The following EYS variants were observed in gnomAD, a reference collection of about 807,000 sequenced individuals.
The protein encoded by EYS is protein eyes shut homolog.
EYS carries 250 observed loss-of-function variants against 282.1 expected under a neutral mutation model. The ratio of observed to expected loss-of-function variants is 0.89; its 90% CI spans 0.80 to 0.98. The LOEUF (loss-of-function observed/expected upper bound fraction) is 0.98. Ranked by LOEUF, EYS falls within the 50% of genes least tolerant of loss-of-function variation. The pLI is 0.00. For synonymous variants in EYS, 1,355 were observed against 1,282.9 expected, an observed-to-expected ratio of 1.06 and a Z score of -1.20; for missense variants, 4,016 against 3,709.0, an observed-to-expected ratio of 1.08 and a Z score of -2.15.
intron 36 of EYS, among the ~76,000 whole-genome samples, chr6:63,852,818 G>T (rs528719781): frequency 6.6e-6 from 1 of 152,242 alleles, no homozygotes; most frequent in South Asian, 2.1e-4. Context: ...GGATGCAAGG[G>T]TGGTTCTACA....
At position 65,514,555 on chromosome 6, in the gene EYS, G is replaced by C. The variant is rs368090260; in HGVS notation, c.-332-18562C>G. Among the ~76,000 whole-genome samples, 50 of 152,308 alleles carry C rather than the reference G, an allele frequency of 3.3e-4. No individual in the cohort carries two copies. The East Asian group carries it at 9.3e-3, about 28-fold the overall frequency. On this transcript the variant is annotated intron_variant, in intron 2 of 42. Transcript: ENST00000503581. Reference sequence around the variant, plus strand: ...CTTCAAACTATACTACAAGGCTACAGTAACCAAAACAGCATGGTACTTGTA... The same window carrying C: ...CTTCAAACTATACTACAAGGCTACACTAACCAAAACAGCATGGTACTTGTA...
At chr6:63,838,135 T>A (rs1771855368) in intron 36 of EYS, among the ~76,000 whole-genome samples, 1 of 152,150 alleles carries the variant, frequency 6.6e-6, no homozygotes, top group Non-Finnish European at 1.5e-5. Flanking sequence ...ATCTTATGTA[T>A]TTTAGAAAAA....
chr6:64,829,573 G>C (rs531487083), intron 19 of EYS, among the ~76,000 whole-genome samples: 1 of 152,046 alleles, frequency 6.6e-6, no homozygotes, highest in Non-Finnish European at 1.5e-5. Context: ...TTACAACAAA[G>C]CATAGTAGCA....
chr6:64,309,860 G>A (rs1654039087), intron 29 of EYS, among the ~76,000 whole-genome samples: 1 of 151,726 alleles, frequency 6.6e-6, no homozygotes, highest in Non-Finnish European at 1.5e-5. Context: ...AGCTACTCGG[G>A]AGGCTGTGGC....
intron 8 of EYS, among the ~76,000 whole-genome samples, chr6:65,365,243 CA>C (rs1334522376): frequency 1.3e-5 from 2 of 151,788 alleles, no homozygotes; most frequent in African/African-American, 4.8e-5. Context: ...CAACAACCAA[CA>C]AAAAACTCAC....
At chr6:64,811,945 T>G (rs1014783999) in intron 22 of EYS, among the ~76,000 whole-genome samples, 1 of 152,152 alleles carries the variant, frequency 6.6e-6, no homozygotes, top group Non-Finnish European at 1.5e-5. Context: ...GGTTTATGTT[T>G]ACTTATTTTG....
intron 2 of EYS, among the ~76,000 whole-genome samples, chr6:65,592,887 T>C (rs1413208881): frequency 6.6e-6 from 1 of 152,022 alleles, no homozygotes; most frequent in Non-Finnish European, 1.5e-5. Context: ...CTTTATTCTT[T>C]TGTGATTCCT....
chr6:64,887,690 A>C lies in EYS; in HGVS notation c.2847-848T>G, dbSNP rs149965256. ...CCCATGCTCCTCCTTTTACTTCTTC[A>C]ACCTACATTAATTAATTGAGCGCCA... On this transcript the variant is annotated intron_variant, in intron 18 of 42. Transcript: ENST00000503581. Among the ~76,000 whole-genome samples the C allele has an allele frequency of 2.6e-5, 4 of 152,146 alleles. No individual in the cohort carries two copies. In the East Asian group the frequency reaches 7.8e-4, roughly 29 times the overall value.
intron 39 of EYS, among the ~76,000 whole-genome samples, chr6:63,787,636 A>C (rs1770399244): frequency 6.6e-6 from 1 of 152,184 alleles, no homozygotes; most frequent in Admixed American, 6.5e-5. Context: ...CATCTAGTAC[A>C]TATGTAGTAA....
At chr6:64,659,970 C>A (rs575131308) in intron 22 of EYS, among the ~76,000 whole-genome samples, 7 of 152,190 alleles carry the variant, frequency 4.6e-5, no homozygotes, top group Non-Finnish European at 7.4e-5. Flanking sequence ...TGATGAATAT[C>A]GAGGCAAAAA....
chr6:64,226,351 A>T (rs113525576), intron 31 of EYS, among the ~76,000 whole-genome samples: 4,355 of 152,262 alleles, frequency 0.029, 67 homozygotes, highest in African/African-American at 0.048. Flanking sequence ...ATGTAGATAG[A>T]ATATCAATTA....
intron 35 of EYS, among the ~76,000 whole-genome samples, chr6:63,943,394 G>C (rs1765300210): frequency 6.6e-6 from 1 of 152,128 alleles, no homozygotes; most frequent in African/African-American, 2.4e-5. Flanking sequence ...AATGCCTAGT[G>C]AGGTAGTTTA....
chr6:64,394,059 G>A (rs573919656), intron 28 of EYS, among the ~76,000 whole-genome samples: 1 of 151,966 alleles, frequency 6.6e-6, no homozygotes, highest in African/African-American at 2.4e-5. Context: ...AAATACCTAG[G>A]AATCAAACTT....
intron 22 of EYS, among the ~76,000 whole-genome samples, chr6:64,781,853 C>G (rs1040140414): frequency 6.6e-6 from 1 of 152,192 alleles, no homozygotes; most frequent in Non-Finnish European, 1.5e-5. Flanking sequence ...AACTGTTTAA[C>G]TACTGTGTGA....
intron 12 of EYS, among the ~76,000 whole-genome samples, chr6:65,112,097 T>C (rs1474157982): frequency 6.6e-6 from 1 of 152,168 alleles, no homozygotes; most frequent in African/African-American, 2.4e-5. Context: ...ATTAACTTGC[T>C]TTCCATCATA....
intron 35 of EYS, among the ~76,000 whole-genome samples, chr6:63,979,557 GTTGTATAGGGTATA>G (rs1470991995): frequency 6.6e-6 from 1 of 151,806 alleles, no homozygotes; most frequent in Non-Finnish European, 1.5e-5. Context: ...TAGTGTCATG[GTTGTATAGGGTATA>G]TTCCCAAACC....
intron 35 of EYS, among the ~76,000 whole-genome samples, chr6:63,928,122 A>G (rs189526409): frequency 3.3e-5 from 5 of 152,302 alleles, no homozygotes; most frequent in East Asian, 1.9e-4. Context: ...GAGAAGATCA[A>G]TCGTGCTGAC....
At chr6:64,481,031 A>C (rs2150499299) in intron 26 of EYS, among the ~76,000 whole-genome samples, 1 of 151,556 alleles carries the variant, frequency 6.6e-6, no homozygotes, top group Non-Finnish European at 1.5e-5. Context: ...TCACAATTAT[A>C]GTTTTTGAAA....
chr6:65,533,231 A>G (rs939698937), intron 2 of EYS, among the ~76,000 whole-genome samples: 1 of 152,140 alleles, frequency 6.6e-6, no homozygotes, highest in Non-Finnish European at 1.5e-5. Context: ...TAGAAAACCT[A>G]TAAGAAATGG....
Sources: allele counts gnomAD v4.1 joint callset (sites outside exome capture counted in the v4.1 genomes callset), GRCh38; gene constraint gnomAD v4.1.1; transcripts MANE v1.5; gene names NCBI Gene and HGNC (gene_info 2026-07-23, HGNC 2026-07-21).